SORCS3: variants seen among roughly 807,000 people sequenced by gnomAD.
SORCS3 encodes the protein VPS10 domain-containing receptor SorCS3.
SORCS3 carries 57 observed loss-of-function variants against 146.3 expected under a neutral mutation model. The observed-to-expected ratio is 0.39, with a 90% CI of 0.31 to 0.49. The LOEUF (loss-of-function observed/expected upper bound fraction) is 0.49. SORCS3 is among the 20% of genes least tolerant of loss of function. The pLI, the probability that SORCS3 is intolerant of heterozygous loss-of-function variation, is 0.92. For missense variants in SORCS3, 1,341 were observed against 1,575.5 expected, an observed-to-expected ratio of 0.85 and a Z score of 2.52; for synonymous variants, 653 against 618.5, an observed-to-expected ratio of 1.06 and a Z score of -0.83.
At chr10:104,760,438 GAAAC>G (rs1430139081) in intron 1 of SORCS3, among the ~76,000 whole-genome samples, 2 of 152,152 alleles carry the variant, frequency 1.3e-5, no homozygotes, top group Non-Finnish European at 2.9e-5. Flanking sequence ...AAGCAACAAA[GAAAC>G]AAACACAATT....
At chr10:104,762,446 G>A (rs116477708) in intron 1 of SORCS3, among the ~76,000 whole-genome samples, 1,969 of 152,286 alleles carry the variant, frequency 0.013, 33 homozygotes, top group African/African-American at 0.038. Context: ...ATACTACTGC[G>A]TGGAGGGCCC....
chr10:104,768,907 G>A (rs1166114600), intron 1 of SORCS3, among the ~76,000 whole-genome samples: 1 of 152,184 alleles, frequency 6.6e-6, no homozygotes, highest in Non-Finnish European at 1.5e-5. Flanking sequence ...AGGTACAGAG[G>A]GCAGGGGCGA....
intron 3 of SORCS3, among the ~76,000 whole-genome samples, chr10:104,940,203 T>TC (rs2019297554): frequency 4.8e-5 from 2 of 41,440 alleles, no homozygotes; most frequent in African/African-American, 2.0e-4. Context: ...TTCCTTTTCT[T>TC]TTATATATAT....
At chr10:105,188,311 T>G (rs2056491976) in intron 14 of SORCS3, among the ~76,000 whole-genome samples, 1 of 152,156 alleles carries the variant, frequency 6.6e-6, no homozygotes, top group African/African-American at 2.4e-5. Flanking sequence ...GGGAAATCAT[T>G]TATCAAAATG....
intron 1 of SORCS3, among the ~76,000 whole-genome samples, chr10:104,655,803 C>T (rs920486143): frequency 1.3e-5 from 2 of 152,116 alleles, no homozygotes; most frequent in Non-Finnish European, 2.9e-5. Context: ...CTGCTTCTTC[C>T]GTGTAAGACA....
At chr10:104,833,281 G>A (rs1223817348) in intron 1 of SORCS3, among the ~76,000 whole-genome samples, 1 of 152,208 alleles carries the variant, frequency 6.6e-6, no homozygotes, top group African/African-American at 2.4e-5. Flanking sequence ...TGAGATGAGA[G>A]GGGTGCTGTG....
At chr10:105,012,518 T>G (rs1161865511) in intron 4 of SORCS3, among the ~76,000 whole-genome samples, 6 of 152,122 alleles carry the variant, frequency 3.9e-5, no homozygotes, top group African/African-American at 1.4e-4. Flanking sequence ...AAGGAGGCCT[T>G]CTTAACTATT....
intron 3 of SORCS3, among the ~76,000 whole-genome samples, chr10:104,968,217 G>A (rs1489552226): frequency 6.6e-6 from 1 of 152,162 alleles, no homozygotes; most frequent in Non-Finnish European, 1.5e-5. Context: ...CCAGGTTCAA[G>A]CAATTCTCCT....
At chr10:105,182,075 G>GAA (rs376694589) in intron 14 of SORCS3, among the ~76,000 whole-genome samples, 11,183 of 148,686 alleles carry the variant, frequency 0.075, 611 homozygotes, top group Admixed American at 0.15. Flanking sequence ...CAGCTTCCTA[G>GAA]AAAAAAAAAA....
chr10:104,827,957 A>G (rs2017956810), intron 1 of SORCS3, among the ~76,000 whole-genome samples: 1 of 152,172 alleles, frequency 6.6e-6, no homozygotes, highest in Non-Finnish European at 1.5e-5. Context: ...TACCTCTCTT[A>G]GACTTCATGG....
intron 18 of SORCS3, among the ~76,000 whole-genome samples, chr10:105,215,610 A>G (rs1375477661): frequency 6.6e-6 from 1 of 152,204 alleles, no homozygotes; most frequent in Non-Finnish European, 1.5e-5. Flanking sequence ...CCACAGCTAT[A>G]AAAACCTTCT....
intron 1 of SORCS3, among the ~76,000 whole-genome samples, chr10:104,727,573 T>C (rs1050680197): frequency 9.9e-5 from 15 of 151,328 alleles, no homozygotes; most frequent in African/African-American, 3.6e-4. Flanking sequence ...ATAAGATGCA[T>C]ACACGCTTAC....
At chr10:105,121,029 C>T (rs945509684) in intron 7 of SORCS3, among the ~76,000 whole-genome samples, 4 of 152,142 alleles carry the variant, frequency 2.6e-5, no homozygotes, top group Non-Finnish European at 4.4e-5. Context: ...GAGTTCTGGT[C>T]AGGAAGGCAG....
At chr10:105,013,598 T>A (rs2055147605) in intron 4 of SORCS3, among the ~76,000 whole-genome samples, 1 of 152,128 alleles carries the variant, frequency 6.6e-6, no homozygotes, top group Admixed American at 6.6e-5. Context: ...CTTGTTTCAA[T>A]ATCCAACAAG....
At chr10:104,781,043 A>C (rs949977710) in intron 1 of SORCS3, among the ~76,000 whole-genome samples, 3 of 152,244 alleles carry the variant, frequency 2.0e-5, no homozygotes, top group Admixed American at 1.3e-4. Flanking sequence ...AAGTATTGTC[A>C]TACCAGTATG....
intron 1 of SORCS3, among the ~76,000 whole-genome samples, chr10:104,767,600 CTCCCCCT>C (rs113518885): frequency 0.21 from 25,773 of 123,148 alleles, 3,539 homozygotes; most frequent in East Asian, 0.6. Context: ...GTTTTTATTC[CTCCCCCT>C]TCCCCCTTCC....
At chr10:105,231,824 A>G (rs942687657) in intron 20 of SORCS3, among the ~76,000 whole-genome samples, 5 of 152,108 alleles carry the variant, frequency 3.3e-5, no homozygotes, top group African/African-American at 1.2e-4. Context: ...ATTGATTTTT[A>G]AATGTTGAAC....
intron 3 of SORCS3, among the ~76,000 whole-genome samples, chr10:104,948,756 A>C (rs1460754922): frequency 6.6e-6 from 1 of 152,202 alleles, no homozygotes; most frequent in Non-Finnish European, 1.5e-5. Flanking sequence ...AGGGGTTATC[A>C]AACAGGTCAG....
intron 4 of SORCS3, among the ~76,000 whole-genome samples, chr10:105,009,320 A>T (rs909156637): frequency 2.6e-5 from 4 of 152,136 alleles, no homozygotes; most frequent in Admixed American, 2.0e-4. Flanking sequence ...CAGAGGAAAC[A>T]TACTTCCAAT....
Sources: gnomAD v4.1 joint callset for allele counts (sites outside exome capture counted in the v4.1 genomes callset) on GRCh38, gnomAD v4.1.1 for gene constraint, MANE v1.5 for transcripts, NCBI Gene and HGNC (gene_info 2026-07-23, HGNC 2026-07-21) for gene names.